Variants in FANCD2OS observed in about 807,000 individuals in gnomAD.
The protein encoded by FANCD2OS is FANCD2 opposite strand, also known as FANCD2 opposite strand protein.
FANCD2OS carries 11 observed loss-of-function variants against 13.2 expected under a neutral mutation model. That is an observed-to-expected ratio of 0.83 (90% CI 0.52 to 1.38). The LOEUF is 1.38. Ranked by LOEUF, FANCD2OS falls within the 40% of genes most tolerant of loss-of-function variation. The probability of loss-of-function intolerance (pLI) is 0.00; values close to 1 mark genes in which losing one functional copy is unlikely to be tolerated. For missense variants in FANCD2OS, 217 were observed against 213.9 expected, an observed-to-expected ratio of 1.01 and a Z score of -0.09; for synonymous variants, 69 against 84.5, an observed-to-expected ratio of 0.82 and a Z score of 1.01.
chr3:10,086,185 G>C (rs1053152554), intron 2 of FANCD2OS, among the ~76,000 whole-genome samples: 1 of 152,164 alleles, frequency 6.6e-6, no homozygotes. Context: ...TGAAAACATT[G>C]ACCATCTGTA....
At chr3:10,092,912 G>A (rs1694739344) in intron 2 of FANCD2OS, among the ~76,000 whole-genome samples, 1 of 151,576 alleles carries the variant, frequency 6.6e-6, no homozygotes, top group African/African-American at 2.4e-5. Flanking sequence ...GGCTGGCCTC[G>A]AACTCCTGGG....
At chr3:10,103,128 C>T (rs1052358266), downstream of FANCD2OS, 24 of 430,922 alleles carry the variant, frequency 5.6e-5, no homozygotes, top group East Asian at 7.6e-4. Context: ...AATGGCCGGG[C>T]GCAGTGGCTC....
chr3:10,092,899 C>A (rs1694738540), intron 2 of FANCD2OS, among the ~76,000 whole-genome samples: 1 of 151,816 alleles, frequency 6.6e-6, no homozygotes, highest in South Asian at 2.1e-4. Flanking sequence ...ATTCTGTTCC[C>A]CAGGCTGGCC....
intron 2 of FANCD2OS, chr3:10,086,027 G>T: frequency 1.3e-6 from 1 of 777,382 alleles, no homozygotes. Context: ...TAGTTGTAAA[G>T]GAAATTATTT....
rs1002648278 is a variant in FANCD2OS, at chr3:10,104,404, G to A, written c.371C>T (p.Ser124Leu). ...CCTGCTAATGATTTTGCAAAAGGCT[G>A]ACTTGTCTGAAACTCTGAAAGTCCC... Reference protein sequence around the residue: ...WTGTFRVSDKSAFCKIISREH... With the variant: ...WTGTFRVSDKLAFCKIISREH... Residue 124 changes from serine (S) to leucine (L), a missense_variant, in exon 2 of 2, where the codon TCA (serine) becomes TTA (leucine). Ser to Leu is a moderately radical substitution (Grantham distance 145). Transcript: ENST00000450660. 3.1e-6 allele frequency: 5 copies of A among 1,614,092 alleles called. No individual in the cohort carries two copies. The African/African-American group carries it at 5.3e-5, about 17-fold the overall frequency.
downstream of FANCD2OS, among the ~76,000 whole-genome samples, chr3:10,103,648 G>A (rs1370151448): frequency 6.6e-6 from 1 of 152,190 alleles, no homozygotes; most frequent in Non-Finnish European, 1.5e-5. Flanking sequence ...TGAGTTCCAT[G>A]TAGCCTACCA....
At chr3:10,086,912 T>A (rs1694240346) in intron 2 of FANCD2OS, among the ~76,000 whole-genome samples, 1 of 152,134 alleles carries the variant, frequency 6.6e-6, no homozygotes, top group Non-Finnish European at 1.5e-5. Flanking sequence ...AGGCCAACAT[T>A]CCATCAGTGG....
chr3:10,098,612 A>G, downstream of FANCD2OS: 1 of 1,396,444 alleles, frequency 7.2e-7, no homozygotes, highest in Non-Finnish European at 9.8e-7. Flanking sequence ...CTGTGTTTTG[A>G]ATGGCTAAAA....
chr3:10,101,767 C>G, downstream of FANCD2OS: 1 of 209,818 alleles, frequency 4.8e-6, no homozygotes, highest in South Asian at 1.4e-4. Context: ...GCTCAGGATT[C>G]TAATGTAGCA....
At position 10,081,344 on chromosome 3, in the gene FANCD2OS, AGT is replaced by A. The variant is rs2125059924; in HGVS notation, c.*229_*230del. On this transcript the variant is annotated 3_prime_UTR_variant, in exon 3 of 3. Coordinates refer to the FANCD2OS transcript ENST00000524279. ...CTGTCCTAAAATCATTTTTATTTTT[AGT>A]GTTTAGCTGCTGAGAATCACGGTGT... is the stretch of plus-strand genomic sequence containing the variant. The A allele has an allele frequency of 1.2e-6, 2 of 1,613,282 alleles. No individual in the cohort carries two copies. The highest frequency in any genetic ancestry group is 1.7e-6 in the Non-Finnish European group (2 of 1,179,216).
chr3:10,094,813 A>T, intron 2 of FANCD2OS: 1 of 335,992 alleles, frequency 3.0e-6, no homozygotes, highest in African/African-American at 2.1e-5. Flanking sequence ...TGAATTAAGG[A>T]TAGAATCACA....
intron 2 of FANCD2OS, among the ~76,000 whole-genome samples, chr3:10,096,703 C>T (rs529754470): frequency 6.6e-6 from 1 of 152,190 alleles, no homozygotes; most frequent in Non-Finnish European, 1.5e-5. Flanking sequence ...TTGATATAAA[C>T]AATGCCTCAG....
downstream of FANCD2OS, chr3:10,101,325 GT>G: frequency 9.0e-7 from 1 of 1,111,594 alleles, no homozygotes; most frequent in Non-Finnish European, 1.3e-6. Context: ...TTGTGTTAGA[GT>G]TTGAAATCCG....
chr3:10,098,871 T>A (rs754863896), downstream of FANCD2OS: 16 of 1,614,080 alleles, frequency 9.9e-6, no homozygotes, highest in Non-Finnish European at 8.5e-6. Context: ...TTGTTAATTG[T>A]TCTAAGTTGG....
chr3:10,104,035 A>C lies in FANCD2OS; in HGVS notation c.*206T>G. 1 of 568,632 alleles carries C rather than the reference A, an allele frequency of 1.8e-6. No individual in the cohort carries two copies. The highest frequency in any genetic ancestry group is 1.9e-5 in the African/African-American group (1 of 53,578). 35.2% of individuals were successfully genotyped at this position (568,632 alleles called of 1,614,324 possible). On this transcript the variant is annotated 3_prime_UTR_variant, in exon 2 of 2. Coordinates refer to ENST00000450660, the MANE Select transcript of FANCD2OS (RefSeq NM_001164839.2). Reference sequence around the variant, plus strand: ...TTGACTCTAAATGGTTCAACCTTACAATGGGAATGTTCTTCCTTGTTCTCT... The same window carrying C: ...TTGACTCTAAATGGTTCAACCTTACCATGGGAATGTTCTTCCTTGTTCTCT...
intron 2 of FANCD2OS, chr3:10,094,489 C>G: frequency 1.2e-6 from 1 of 813,794 alleles, no homozygotes; most frequent in Non-Finnish European, 2.2e-6. Context: ...TCAGCTGTAG[C>G]CAGAGATCCC....
chr3:10,097,988 G>GT (rs34966633), downstream of FANCD2OS, among the ~76,000 whole-genome samples: 3 of 151,766 alleles, frequency 2.0e-5, no homozygotes, highest in Admixed American at 1.3e-4. Context: ...CATTTATAAG[G>GT]TTTTTTTTAG....
At chr3:10,101,140 C>T (rs775919604), downstream of FANCD2OS, 6 of 1,390,260 alleles carry the variant, frequency 4.3e-6, no homozygotes, top group Non-Finnish European at 6.1e-6. Flanking sequence ...CAGAGGTCAC[C>T]CAGAGCAGTA....
downstream of FANCD2OS, among the ~76,000 whole-genome samples, chr3:10,100,364 G>C (rs891565947): frequency 6.6e-6 from 1 of 152,142 alleles, no homozygotes; most frequent in Non-Finnish European, 1.5e-5. Flanking sequence ...TTCCTGTTGA[G>C]ATACACCAGC....
Sources: allele counts gnomAD v4.1 joint callset (sites outside exome capture counted in the v4.1 genomes callset), GRCh38; gene constraint gnomAD v4.1.1; transcripts MANE v1.5; gene names NCBI Gene and HGNC (gene_info 2026-07-23, HGNC 2026-07-21).